Variants in ROPN1L observed in about 807,000 individuals in gnomAD.
ROPN1L encodes the protein rhophilin associated tail protein 1 like.
Under a neutral mutation model 22.7 loss-of-function variants are expected in ROPN1L, and 23 were observed. The ratio of observed to expected loss-of-function variants is 1.01; its 90% confidence interval spans 0.73 to 1.43. The LOEUF is 1.43. Ranked by LOEUF, ROPN1L falls within the 40% of genes most tolerant of loss-of-function variation. The pLI is 0.00. For synonymous variants in ROPN1L, 116 were observed against 117.8 expected (o/e 0.98, Z 0.10); for missense variants, 271 against 291.5 (o/e 0.93, Z 0.51).
chr5:10,465,015 C>T lies in ROPN1L; in HGVS notation c.*68C>T. On this transcript the variant is annotated 3_prime_UTR_variant, in exon 5 of 5. Coordinates refer to ENST00000274134, the MANE Select transcript of ROPN1L (RefSeq NM_031916.5). ...AAATTCTGGCACCAAATACAACTTA[C>T]CCTGAATCACACACCTCTGTAGTGT... The T allele has an allele frequency of 1.1e-6, 1 of 878,250 alleles. No homozygotes were observed. Among genetic ancestry groups the T allele is most frequent in the Non-Finnish European group, 1.8e-6 (1 of 553,006 alleles). The allele number at this position is 878,250 out of a possible 1,614,324, so 54.4% of individuals were successfully genotyped here. A position where few individuals can be genotyped will look rare whatever the true frequency, so the allele number is the denominator to read the frequency against.
chr5:10,477,424 C>T, the ROPN1L span, among the ~76,000 whole-genome samples: 19 of 152,238 alleles, frequency 1.2e-4, no homozygotes, highest in Admixed American at 6.5e-4. Context: ...GAAAGCAAAG[C>T]GGTCCTACTA....
At chr5:10,472,211 G>A (rs1735257550), downstream of ROPN1L, among the ~76,000 whole-genome samples, 1 of 151,008 alleles carries the variant, frequency 6.6e-6, no homozygotes, top group Non-Finnish European at 1.5e-5. Context: ...TATGTATTAA[G>A]TCCACCCATC....
downstream of ROPN1L, chr5:10,465,078 C>T (rs1203003036): frequency 8.2e-6 from 4 of 490,556 alleles, no homozygotes; most frequent in African/African-American, 2.0e-5. Context: ...GTGACTGCTT[C>T]GTGGGGCCTG....
chr5:10,454,412 C>T (rs1328899238), intron 3 of ROPN1L, among the ~76,000 whole-genome samples: 1 of 152,224 alleles, frequency 6.6e-6, no homozygotes, highest in Admixed American at 6.5e-5. Flanking sequence ...GTACAAGCCA[C>T]AGAGCCTGGC....
At chr5:10,445,097 A>G (rs1347633341) in intron 1 of ROPN1L, among the ~76,000 whole-genome samples, 1 of 151,646 alleles carries the variant, frequency 6.6e-6, no homozygotes, top group African/African-American at 2.4e-5. Context: ...TAGCTTCCCA[A>G]GTAGCTGGGA....
chr5:10,449,413 G>A (rs901322719), intron 2 of ROPN1L, among the ~76,000 whole-genome samples: 1 of 152,162 alleles, frequency 6.6e-6, no homozygotes, highest in Non-Finnish European at 1.5e-5. Flanking sequence ...CAGCTACTTG[G>A]GAGGCTGAGG....
At chr5:10,459,265 T>C (rs1416330576) in intron 3 of ROPN1L, among the ~76,000 whole-genome samples, 1 of 147,684 alleles carries the variant, frequency 6.8e-6, no homozygotes, top group African/African-American at 2.6e-5. Flanking sequence ...GGCTGGATTA[T>C]TCCAGCAGCC....
chr5:10,442,316 G>A lies in ROPN1L; in HGVS notation c.131+18G>A, dbSNP rs747985359. 7.6e-5 allele frequency: 123 copies of A among 1,611,120 alleles called. No homozygotes were observed. The highest frequency in any genetic ancestry group is 3.4e-4 in the South Asian group (31 of 90,952). On this transcript the variant is annotated intron_variant, in intron 1 of 4. Transcript: ENST00000274134. ...TCCGCGGGGTAAGCGCCCTTGGCCC[G>A]GGGAGCTGTCCGGTCTACATGCCCA... is the stretch of plus-strand genomic sequence containing the variant.
At chr5:10,447,297 G>A (rs764931178) in intron 1 of ROPN1L, among the ~76,000 whole-genome samples, 2 of 152,156 alleles carry the variant, frequency 1.3e-5, no homozygotes, top group Non-Finnish European at 2.9e-5. Context: ...CTCCCACCAC[G>A]AGCCAGAGGC....
At chr5:10,473,301 A>C (rs1474233012), downstream of ROPN1L, among the ~76,000 whole-genome samples, 1 of 152,216 alleles carries the variant, frequency 6.6e-6, no homozygotes, top group African/African-American at 2.4e-5. Context: ...TCCTGGATTT[A>C]GGGTGGACCC....
chr5:10,461,206 A>C lies in ROPN1L; in HGVS notation c.440A>C (p.His147Pro), dbSNP rs1561176400. 1 of 1,613,806 alleles carries C rather than the reference A, an allele frequency of 6.2e-7. No individual in the cohort carries two copies. Among genetic ancestry groups the C allele is most frequent in the Non-Finnish European group, 8.5e-7 (1 of 1,179,952 alleles). The change falls in exon 4 of 5, where the codon CAC becomes CCC. Residue 147 changes from histidine to proline, a missense_variant. By Grantham distance (77) the His-to-Pro change is moderately conservative. Coordinates refer to ENST00000274134, the MANE Select transcript of ROPN1L (RefSeq NM_031916.5). ...CAGTCCTTGAACACTGCGCTGAAGCACCTGTGCGAGATCCTCACGGACGAT... is the reference window on the plus strand; with the variant it reads ...CAGTCCTTGAACACTGCGCTGAAGCCCCTGTGCGAGATCCTCACGGACGAT... ...LGGSLNTALK[H>P]LCEILTDDPE...
At chr5:10,471,486 C>A (rs1048442434) in intron 4 of ROPN1L, among the ~76,000 whole-genome samples, 2 of 152,044 alleles carry the variant, frequency 1.3e-5, no homozygotes, top group African/African-American at 4.8e-5. Context: ...GTAGGTGGGG[C>A]GGCCTGTTAG....
Position 10,463,614 on chromosome 5 carries a change from C to T in ROPN1L, c.594-1234C>T, listed in dbSNP as rs182381098. On this transcript the variant is annotated intron_variant, in intron 4 of 4. Transcript: ENST00000274134. ...CCCCCAAGTGCTGGTTATGGTTTGT[C>T]CCTGAGCCCCACACCTCTCATCTCG... 2.6e-5 allele frequency among the ~76,000 whole-genome samples: 4 copies of T among 152,308 alleles called. No homozygotes were observed. The East Asian group carries it at 5.8e-4, about 22-fold the overall frequency.
At chr5:10,474,269 C>T (rs978269924), downstream of ROPN1L, among the ~76,000 whole-genome samples, 5 of 152,116 alleles carry the variant, frequency 3.3e-5, no homozygotes, top group East Asian at 1.9e-4. Flanking sequence ...CTGGCAGACA[C>T]GCCCCATTGA....
chr5:10,480,121 C>A, the ROPN1L span, among the ~76,000 whole-genome samples: 1 of 152,246 alleles, frequency 6.6e-6, no homozygotes, highest in Non-Finnish European at 1.5e-5. Context: ...AAAATAGGAA[C>A]TTCTTAGCTT....
chr5:10,452,906 G>A (rs915011462), intron 3 of ROPN1L, among the ~76,000 whole-genome samples: 1 of 152,150 alleles, frequency 6.6e-6, no homozygotes, highest in African/African-American at 2.4e-5. Flanking sequence ...TTGTGTTAAG[G>A]ATAGAGCTTG....
rs368315797 is a variant in ROPN1L at position 10,448,369 on chromosome 5, G to A, written c.241G>A (p.Val81Ile). ...AGGCCTGACTCAAGGACTCCTGAAA[G>A]TTTTGCACAAGCAGGTATGGGGGGG... ...DTGLTQGLLK[V>I]LHKQCHHKRY... The change falls in exon 2 of 5, where the codon GTT becomes ATT. Residue 81 changes from valine to isoleucine, a missense_variant. Val to Ile is a conservative substitution (Grantham distance 29, BLOSUM62 3). Transcript: ENST00000274134. The A allele has an allele frequency of 6.8e-6, 11 of 1,614,056 alleles. No individual in the cohort carries two copies. Among genetic ancestry groups the A allele is most frequent in the Non-Finnish European group, 9.3e-6 (11 of 1,180,024 alleles).
chr5:10,453,253 C>T (rs1056107406), intron 3 of ROPN1L, among the ~76,000 whole-genome samples: 1 of 152,114 alleles, frequency 6.6e-6, no homozygotes, highest in Admixed American at 6.5e-5. Flanking sequence ...ATGTCTGCTG[C>T]CAGGGATGCC....
At chr5:10,455,022 C>T (rs775578002) in intron 3 of ROPN1L, among the ~76,000 whole-genome samples, 18 of 152,174 alleles carry the variant, frequency 1.2e-4, no homozygotes, top group African/African-American at 2.4e-4. Context: ...AACAACTCCT[C>T]GGGACGATCA....
Sources: allele counts gnomAD v4.1 joint callset (sites outside exome capture counted in the v4.1 genomes callset), GRCh38; gene constraint gnomAD v4.1.1; transcripts MANE v1.5; gene names NCBI Gene and HGNC (gene_info 2026-07-23, HGNC 2026-07-21).